The following SLC7A11 variants were observed in gnomAD, a reference collection of about 807,000 sequenced individuals.
SLC7A11 encodes cystine/glutamate transporter.
SLC7A11 carries 35 observed loss-of-function variants against 54.5 expected under a neutral mutation model. The observed-to-expected ratio is 0.64, with a 90% confidence interval of 0.49 to 0.85. The LOEUF (loss-of-function observed/expected upper bound fraction) is 0.85. Among genes scored for constraint, SLC7A11 ranks in the 40% least tolerant of loss-of-function variants. The probability of loss-of-function intolerance (pLI) is 0.00; values close to 1 mark genes in which losing one functional copy is unlikely to be tolerated. For synonymous variants in SLC7A11, 230 were observed against 225.2 expected (o/e 1.02, Z -0.19); for missense variants, 583 against 618.1 (o/e 0.94, Z 0.60).
chr4:138,198,382 A>G (rs553596079), intron 6 of SLC7A11, among the ~76,000 whole-genome samples: 4 of 152,276 alleles, frequency 2.6e-5, no homozygotes, highest in Admixed American at 1.3e-4. Flanking sequence ...CATAATATAC[A>G]AAGAATTCTG....
At chr4:138,172,153 T>A in intron 11 of SLC7A11, 136 bp from the exon 12 acceptor site, 1 of 881,152 alleles carries the variant, frequency 1.1e-6, no homozygotes, top group Non-Finnish European at 1.6e-6. Flanking sequence ...AAGAATTATT[T>A]ACTTCATTAG....
At chr4:138,176,674 C>CT (rs778775884) in intron 11 of SLC7A11, 3 of 152,150 alleles carry the variant, frequency 2.0e-5, no homozygotes, top group Non-Finnish European at 4.4e-5. Flanking sequence ...ATCATGCTCC[C>CT]TTTCTTCTAG....
At chr4:138,189,502 C>G (rs1323822733) in intron 6 of SLC7A11, among the ~76,000 whole-genome samples, 1 of 152,128 alleles carries the variant, frequency 6.6e-6, no homozygotes, top group Non-Finnish European at 1.5e-5. Flanking sequence ...TATCTTGTCA[C>G]AATGTCATGG....
At chr4:138,195,836 T>A (rs764087230) in intron 6 of SLC7A11, among the ~76,000 whole-genome samples, 1 of 152,142 alleles carries the variant, frequency 6.6e-6, no homozygotes, top group Non-Finnish European at 1.5e-5. Flanking sequence ...GTGCAAACAT[T>A]TTTGAGAAGG....
At chr4:138,230,062 G>A (rs760842403) in intron 3 of SLC7A11, among the ~76,000 whole-genome samples, 1 of 152,142 alleles carries the variant, frequency 6.6e-6, no homozygotes, top group Non-Finnish European at 1.5e-5. Flanking sequence ...TATAGGCAAG[G>A]CACTCTGTTA....
chr4:138,239,754 CTT>C (rs776368250), intron 1 of SLC7A11, among the ~76,000 whole-genome samples: 2 of 152,154 alleles, frequency 1.3e-5, no homozygotes, highest in Non-Finnish European at 2.9e-5. Flanking sequence ...AGTCAACACA[CTT>C]TAACTAGTTC....
At chr4:138,214,562 T>C in intron 6 of SLC7A11, 23 bp downstream of exon 6, 1 of 1,402,302 alleles carries the variant, frequency 7.1e-7, no homozygotes, top group South Asian at 1.4e-5. Context: ...CATAAAAATT[T>C]CAGGGTACAT....
At chr4:138,195,510 C>T (rs1038668237) in intron 6 of SLC7A11, among the ~76,000 whole-genome samples, 2 of 152,066 alleles carry the variant, frequency 1.3e-5, no homozygotes, top group Admixed American at 1.3e-4. Context: ...AAAATTCAAA[C>T]AGAACAAGAC....
Position 138,232,333 on chromosome 4 carries a change from C to G in SLC7A11, c.454G>C (p.Glu152Gln). ...ATTTCACATTGAATAAAAAATGGTT[C>G]CAGAATGTAGCGTCCAAATGCCAGG... ...ISLAFGRYIL[E>Q]PFFIQCEIPE... The change falls in exon 3 of 12, where the codon GAA (glutamate) becomes CAA (glutamine). Residue 152 changes from glutamate to glutamine, a missense_variant. Transcript: ENST00000280612. 1 of 1,613,634 alleles carries G rather than the reference C, an allele frequency of 6.2e-7. No homozygotes were observed. The highest frequency in any genetic ancestry group is 8.5e-7 in the Non-Finnish European group (1 of 1,179,680).
intron 11 of SLC7A11, 151 bp downstream of exon 11, chr4:138,179,066 G>T: frequency 1.8e-6 from 1 of 567,218 alleles, no homozygotes; most frequent in Non-Finnish European, 3.1e-6. Flanking sequence ...TGTCCTTCCT[G>T]CCAAAAAGCA....
At chr4:138,194,537 A>C (rs551040202) in intron 6 of SLC7A11, among the ~76,000 whole-genome samples, 2 of 152,204 alleles carry the variant, frequency 1.3e-5, no homozygotes, top group African/African-American at 4.8e-5. Context: ...TGGTTCATAC[A>C]ATTGTCCATC....
intron 6 of SLC7A11, among the ~76,000 whole-genome samples, chr4:138,199,854 A>G (rs1286267511): frequency 1.3e-5 from 2 of 152,182 alleles, no homozygotes; most frequent in South Asian, 2.1e-4. Context: ...AGAGAAAGAC[A>G]TCATTGAGTT....
chr4:138,207,816 C>T (rs1333472108), intron 6 of SLC7A11, among the ~76,000 whole-genome samples: 1 of 152,122 alleles, frequency 6.6e-6, no homozygotes, highest in African/African-American at 2.4e-5. Context: ...TGCTACAACA[C>T]ATTTGGGCAA....
intron 1 of SLC7A11, 89 bp from the exon 2 acceptor site, chr4:138,236,540 G>A (rs1230217550): frequency 7.1e-6 from 9 of 1,262,748 alleles, no homozygotes; most frequent in Non-Finnish European, 9.9e-6. Context: ...TTTATATGTT[G>A]CCTGAGATGT....
intron 9 of SLC7A11, among the ~76,000 whole-genome samples, chr4:138,181,527 G>T (rs778016840): frequency 6.6e-6 from 1 of 151,922 alleles, no homozygotes; most frequent in Non-Finnish European, 1.5e-5. Flanking sequence ...TGCACAGAGA[G>T]TACACATACT....
At chr4:138,201,849 T>C (rs984704793) in intron 6 of SLC7A11, among the ~76,000 whole-genome samples, 1 of 152,112 alleles carries the variant, frequency 6.6e-6, no homozygotes, top group African/African-American at 2.4e-5. Context: ...AAGGTAAGCA[T>C]TAGAATACCC....
At chr4:138,224,299 T>C (rs1461706071) in intron 3 of SLC7A11, among the ~76,000 whole-genome samples, 1 of 152,150 alleles carries the variant, frequency 6.6e-6, no homozygotes, top group Non-Finnish European at 1.5e-5. Flanking sequence ...TTATACTCTT[T>C]CCACAACCTT....
chr4:138,199,771 T>C lies in SLC7A11; in HGVS notation c.792-14527A>G, dbSNP rs969548920. On this transcript the variant is annotated intron_variant, in intron 6 of 11. Coordinates refer to ENST00000280612, the MANE Select transcript of SLC7A11 (RefSeq NM_014331.4). ...TTGAAAAGCACCTATGTATTCAAAC[T>C]GAAGATTTCTCCCTTGCTGCAGTTC... Among the ~76,000 whole-genome samples, 5 of 152,270 alleles carry C rather than the reference T, an allele frequency of 3.3e-5. No individual in the cohort carries two copies. In the East Asian group the frequency reaches 5.8e-4, roughly 18 times the overall value.
At chr4:138,183,433 C>T (rs1291062334) in intron 7 of SLC7A11, 128 bp from the exon 8 acceptor site, 1 of 668,302 alleles carries the variant, frequency 1.5e-6, no homozygotes, top group Non-Finnish European at 2.7e-6. Flanking sequence ...TATAATTTCT[C>T]TCTTTGGTTA....
Sources: allele counts gnomAD v4.1 joint callset (sites outside exome capture counted in the v4.1 genomes callset), GRCh38; gene constraint gnomAD v4.1.1; transcripts MANE v1.5; gene names NCBI Gene and HGNC (gene_info 2026-07-23, HGNC 2026-07-21).